The following PLPPR4 variants were observed in gnomAD, a reference collection of about 807,000 sequenced individuals.
PLPPR4 encodes the protein phospholipid phosphatase related 4.
PLPPR4 carries 24 observed loss-of-function variants against 56.6 expected under a neutral mutation model. The observed-to-expected ratio is 0.42, with a 90% CI of 0.31 to 0.60. PLPPR4 has a LOEUF of 0.60. PLPPR4 is among the 20% of genes least tolerant of loss of function. PLPPR4 has a pLI of 0.13. For synonymous variants in PLPPR4, 326 were observed against 328.1 expected (o/e 0.99, Z 0.07); for missense variants, 654 against 885.8 (o/e 0.74, Z 3.32).
chr1:99,269,997 T>TTGTGTGTGTG (rs10612152), intron 1 of PLPPR4, among the ~76,000 whole-genome samples: 53 of 134,560 alleles, frequency 3.9e-4, no homozygotes, highest in African/African-American at 6.8e-4. Context: ...TTCATTCCTT[T>TTGTGTGTGTG]TGTGTGTGTG....
At chr1:99,293,600 T>C (rs1659673704) in intron 2 of PLPPR4, among the ~76,000 whole-genome samples, 1 of 152,182 alleles carries the variant, frequency 6.6e-6, no homozygotes, top group Admixed American at 6.5e-5. Flanking sequence ...AGAATTAATA[T>C]ATCTAATTTT....
intron 6 of PLPPR4, among the ~76,000 whole-genome samples, chr1:99,303,052 G>T (rs1254579940): frequency 6.6e-6 from 1 of 152,052 alleles, no homozygotes; most frequent in Non-Finnish European, 1.5e-5. Context: ...AGTATTTTAG[G>T]AATAGCAAAC....
intron 1 of PLPPR4, among the ~76,000 whole-genome samples, chr1:99,273,373 C>T (rs575523352): frequency 6.6e-6 from 1 of 152,090 alleles, no homozygotes; most frequent in African/African-American, 2.4e-5. Flanking sequence ...AAAAGGTAAA[C>T]ATGGAATCAT....
chr1:99,299,612 G>A (rs1163130413), intron 4 of PLPPR4, among the ~76,000 whole-genome samples: 1 of 151,844 alleles, frequency 6.6e-6, no homozygotes, highest in Non-Finnish European at 1.5e-5. Context: ...ACATATGAAA[G>A]TTATATCTCC....
At chr1:99,298,916 C>A in intron 3 of PLPPR4, 119 bp from the exon 4 acceptor site, 2 of 793,030 alleles carry the variant, frequency 2.5e-6, no homozygotes, top group Admixed American at 2.1e-5. Context: ...TTCTTGAAAT[C>A]AACTTAGAGA....
chr1:99,306,257 CAA>C lies in PLPPR4; in HGVS notation c.1396_1397del (p.Asn466GlnfsTer24). The C allele has an allele frequency of 6.2e-7, 1 of 1,614,184 alleles. No individual in the cohort carries two copies. Among genetic ancestry groups the C allele is most frequent in the Non-Finnish European group, 8.5e-7 (1 of 1,180,026 alleles). Reference sequence around the variant, plus strand: ...AGCCTGGCGCTGTCCCCGGATGTAACAACAGCATGCCTGGAGGGCCAAGAGTG... The same window carrying C: ...AGCCTGGCGCTGTCCCCGGATGTAACCAGCATGCCTGGAGGGCCAAGAGTG... ...IQPGAVPGCNNSMPGGPRVSI... is the reference protein window; with the variant it reads ...IQPGAVPGCNXSMPGGPRVSI... On this transcript the variant is annotated frameshift_variant, in exon 7 of 7. Transcript: ENST00000370185. LOFTEE classifies it high-confidence loss of function. The surrounding 1 kb of genome is among the most constrained non-coding windows in gnomAD (Gnocchi z 4.0).
chr1:99,286,081 A>G (rs1570914516), intron 1 of PLPPR4, among the ~76,000 whole-genome samples: 1 of 152,226 alleles, frequency 6.6e-6, no homozygotes, highest in Non-Finnish European at 1.5e-5. Context: ...TAGAAAGTAC[A>G]CTGTGCCTAG....
At chr1:99,289,575 T>C (rs1450995958) in intron 2 of PLPPR4, among the ~76,000 whole-genome samples, 2 of 152,092 alleles carry the variant, frequency 1.3e-5, no homozygotes, top group African/African-American at 2.4e-5. Flanking sequence ...TAAAACATTC[T>C]TGGAGTGCGA....
intron 2 of PLPPR4, among the ~76,000 whole-genome samples, chr1:99,293,183 C>T (rs944862465): frequency 2.6e-5 from 4 of 152,042 alleles, no homozygotes; most frequent in African/African-American, 7.2e-5. Context: ...TCCAAAAGGA[C>T]CTTCATATGA....
At chr1:99,303,287 A>T (rs1448534728) in intron 6 of PLPPR4, among the ~76,000 whole-genome samples, 1 of 152,176 alleles carries the variant, frequency 6.6e-6, no homozygotes, top group Non-Finnish European at 1.5e-5. Context: ...TCCAGCATGG[A>T]ACACTGGACA....
rs1235065260 is a variant in PLPPR4, at chr1:99,305,769, A to G, written c.907A>G (p.Asn303Asp). Residue 303 changes from asparagine (N) to aspartate (D), a missense_variant, in exon 7 of 7, where the codon AAT becomes GAT. Transcript: ENST00000370185. ...CGCCCTCAGGTCTCTGACAGACCTC[A>G]ATCAAGATCCCAACCGACTTTTATC... ...RDALRSLTDL[N>D]QDPNRLLSAK... is the part of the protein sequence containing the mutation. 2 of 1,614,126 alleles carry G rather than the reference A, an allele frequency of 1.2e-6. No individual in the cohort carries two copies. Among genetic ancestry groups the G allele is most frequent in the Admixed American group, 1.7e-5 (1 of 60,018 alleles).
rs140869914 is a variant in PLPPR4 at position 99,271,943 on chromosome 1, T to TGTGAGA, written c.78+7273_78+7274insTGAGAG. Among the ~76,000 whole-genome samples the TGTGAGA allele has an allele frequency of 4.5e-4, 57 of 127,046 alleles. No individual in the cohort carries two copies. The East Asian group carries it at 9.8e-3, about 22-fold the overall frequency. 83.3% of individuals were successfully genotyped at this position (127,046 alleles called of 152,430 possible). A position where few individuals can be genotyped will look rare whatever the true frequency, so the allele number is the denominator to read the frequency against. On this transcript the variant is annotated intron_variant, in intron 1 of 6. Coordinates refer to ENST00000370185, the MANE Select transcript of PLPPR4 (RefSeq NM_014839.5). ...GTGTGTGTGTGTGTGTGTGTGTGTG[T>TGTGAGA]GATGGAGATCCAATCTGTGAGCAAA...
chr1:99,264,497 C>T lies in PLPPR4; in HGVS notation c.-97C>T, dbSNP rs541200062. On this transcript the variant is annotated 5_prime_UTR_variant, in exon 1 of 7. Coordinates refer to ENST00000370185, the MANE Select transcript of PLPPR4 (RefSeq NM_014839.5). ...GTGGCCGCGGGGAATGTGACATCAG[C>T]GGCGCCGGGCGCTTGGGGCTGGAGG... 946 of 1,539,618 alleles carry T rather than the reference C, an allele frequency of 6.1e-4. 11 individuals carry two copies. The South Asian group carries it at 0.011, about 18-fold the overall frequency.
At chr1:99,298,758 T>C (rs528099688) in intron 3 of PLPPR4, 4 of 597,158 alleles carry the variant, frequency 6.7e-6, no homozygotes, top group South Asian at 4.3e-5. Flanking sequence ...TCCAAGTGTC[T>C]TGACAAGTGA....
At chr1:99,263,491 C>T (rs966264078), upstream of PLPPR4, among the ~76,000 whole-genome samples, 14 of 152,240 alleles carry the variant, frequency 9.2e-5, no homozygotes, top group African/African-American at 3.4e-4. Context: ...TTGGCCATCA[C>T]ATGCTTGAAA....
upstream of PLPPR4, chr1:99,264,475 G>A (rs1387947790): frequency 1.3e-6 from 2 of 1,523,336 alleles, no homozygotes; most frequent in Middle Eastern, 2.1e-4. Context: ...TCCAGCGGTG[G>A]CCGCGGGGAA....
chr1:99,286,825 G>T (rs1437798868), intron 1 of PLPPR4, among the ~76,000 whole-genome samples: 1 of 152,200 alleles, frequency 6.6e-6, no homozygotes, highest in Admixed American at 6.5e-5. Context: ...AACTTGCATT[G>T]CATGGGATGG....
rs777605712 is a variant in PLPPR4, at chr1:99,306,723, G to A, written c.1861G>A (p.Asp621Asn). ...QTYELNDLNR[D>N]SESCESLKDS... is the part of the protein sequence containing the mutation. ...TTACGAGCTCAACGATCTCAACAGG[G>A]ACTCAGAAAGCTGTGAGTCTCTGAA... The change falls in exon 7 of 7, where the codon GAC becomes AAC. Residue 621 changes from aspartate to asparagine, a missense_variant. Coordinates refer to ENST00000370185, the MANE Select transcript of PLPPR4 (RefSeq NM_014839.5). The surrounding 1 kb of genome is among the most constrained non-coding windows in gnomAD (Gnocchi z 4.0). 4 of 1,614,008 alleles carry A rather than the reference G, an allele frequency of 2.5e-6. No homozygotes were observed. Among genetic ancestry groups the A allele is most frequent in the South Asian group, 2.2e-5 (2 of 91,048 alleles).
rs183868193 is a variant in PLPPR4, at chr1:99,301,982, C to T, written c.822+85C>T. ...ATTTTGCACTATAATAGCTTCCTTGCGATATATTTTATATAAATGAGAAAA... is the reference window on the plus strand; with the variant it reads ...ATTTTGCACTATAATAGCTTCCTTGTGATATATTTTATATAAATGAGAAAA... On this transcript the variant is annotated intron_variant, in intron 6 of 6. Transcript: ENST00000370185. 856 of 871,876 alleles carry T rather than the reference C, an allele frequency of 9.8e-4. 7 individuals carry two copies. The African/African-American group carries it at 0.013, about 14-fold the overall frequency. The allele number at this position is 871,876 out of a possible 1,614,324, so 54.0% of individuals were successfully genotyped here.
Sources: gnomAD v4.1 joint callset for allele counts (sites outside exome capture counted in the v4.1 genomes callset) on GRCh38, gnomAD v4.1.1 for gene constraint, Gnocchi (gnomAD v3.1) non-coding constraint, MANE v1.5 for transcripts, NCBI Gene and HGNC (gene_info 2026-07-23, HGNC 2026-07-21) for gene names.